The following ZNHIT6 variants were observed in gnomAD, a reference collection of about 807,000 sequenced individuals.
ZNHIT6 encodes zinc finger HIT-type containing 6, also known as box C/D snoRNA protein 1.
Under a neutral mutation model 57.2 loss-of-function variants are expected in ZNHIT6, and 45 were observed. The ratio of observed to expected loss-of-function variants is 0.79; its 90% CI spans 0.62 to 1.01. The LOEUF (loss-of-function observed/expected upper bound fraction) is 1.01, where lower values mean the gene tolerates loss of function less well. Among genes scored for constraint, ZNHIT6 ranks in the 50% least tolerant of loss-of-function variants. The pLI, the probability that ZNHIT6 is intolerant of heterozygous loss-of-function variation, is 0.00. For synonymous variants in ZNHIT6, 188 were observed against 190.0 expected (o/e 0.99, Z 0.09); for missense variants, 528 against 567.3 (o/e 0.93, Z 0.70).
intron 5 of ZNHIT6, among the ~76,000 whole-genome samples, chr1:85,682,940 C>T (rs913559413): frequency 2.6e-5 from 4 of 152,070 alleles, no homozygotes; most frequent in Admixed American, 2.0e-4. Context: ...TGGGGATGGG[C>T]GCAGTGGCTA....
Position 85,657,943 on chromosome 1 carries a change from G to C in ZNHIT6, c.1276C>G (p.Leu426Val), listed in dbSNP as rs764691555. Reference sequence around the variant, plus strand: ...ACTTTGTTCCTCAAATTGTCTAGGAGACTTTTATAAGGATCTAGTTCATAA... The same window carrying C: ...ACTTTGTTCCTCAAATTGTCTAGGACACTTTTATAAGGATCTAGTTCATAA... ...RYYELDPYKS[L>V]LDNLRNKVII... The change falls in exon 9 of 10, where the codon CTC (leucine) becomes GTC (valine). Residue 426 changes from leucine to valine, a missense_variant. Leu to Val is a conservative substitution (Grantham distance 32, BLOSUM62 1). Transcript: ENST00000370574. 1 of 1,565,064 alleles carries C rather than the reference G, an allele frequency of 6.4e-7. No homozygotes were observed. The highest frequency in any genetic ancestry group is 1.7e-5 in the Admixed American group (1 of 58,882).
chr1:85,650,481 T>C lies in ZNHIT6; in HGVS notation c.*3577A>G, dbSNP rs760277860. ...TGAACTGCCCTTCATGCTGACACTA[T>C]TTTGAGTTTTTGTCACTTGCATATA... is the stretch of plus-strand genomic sequence containing the variant. On this transcript the variant is annotated 3_prime_UTR_variant, in exon 10 of 10. Coordinates refer to ENST00000370574, the MANE Select transcript of ZNHIT6 (RefSeq NM_017953.4). 1 of 152,256 alleles carries C rather than the reference T, an allele frequency of 6.6e-6. No individual in the cohort carries two copies. The highest frequency in any genetic ancestry group is 1.5e-5 in the Non-Finnish European group (1 of 68,044). The allele number at this position is 152,256 out of a possible 1,614,324, so 9.4% of individuals were successfully genotyped here.
rs1284183861 is a variant in ZNHIT6, at chr1:85,657,918, A to G, written c.1301T>C (p.Val434Ala). 1 of 1,597,420 alleles carries G rather than the reference A, an allele frequency of 6.3e-7. No individual in the cohort carries two copies. The highest frequency in any genetic ancestry group is 1.7e-5 in the Admixed American group (1 of 59,558). ...ATGTAATGTTGGATACTCAATGATC[A>G]CTTTGTTCCTCAAATTGTCTAGGAG... ...KSLLDNLRNK[V>A]IIEYPTLHVV... The change falls in exon 9 of 10, where the codon GTG becomes GCG. Residue 434 changes from valine to alanine, a missense_variant. Coordinates refer to ENST00000370574, the MANE Select transcript of ZNHIT6 (RefSeq NM_017953.4).
chr1:85,660,332 T>C (rs1661190837), intron 8 of ZNHIT6, among the ~76,000 whole-genome samples: 1 of 152,206 alleles, frequency 6.6e-6, no homozygotes, highest in Admixed American at 6.5e-5. Context: ...ATAAGGCTTC[T>C]AATGAAAGGC....
Position 85,708,373 on chromosome 1 carries a change from A to T in ZNHIT6, c.-89T>A. The T allele has an allele frequency of 6.8e-7, 1 of 1,470,738 alleles. No individual in the cohort carries two copies. The allele number at this position is 1,470,738 out of a possible 1,614,324, so 91.1% of individuals were successfully genotyped here. A position where few individuals can be genotyped will look rare whatever the true frequency, so the allele number is the denominator to read the frequency against. ...GGAGGAATTACCGGTCGGAATACCT[A>T]CGGCGGCCCACGTGTGGAGCCAAGC... On this transcript the variant is annotated 5_prime_UTR_variant, in exon 1 of 10. Coordinates refer to ENST00000370574, the MANE Select transcript of ZNHIT6 (RefSeq NM_017953.4).
rs545770360 is a variant in ZNHIT6, at chr1:85,689,747, T to C, written c.1020-8843A>G. On this transcript the variant is annotated intron_variant, in intron 5 of 9. Transcript: ENST00000370574. ...CTGGGAGTATGGGGACAGTTGGAAA[T>C]GGCTGGGCAGTTTTGGTTGTTCCAA... Among the ~76,000 whole-genome samples, 253 of 152,246 alleles carry C rather than the reference T, an allele frequency of 1.7e-3. 1 individual carries two copies. Among genetic ancestry groups the C allele is most frequent in the Non-Finnish European group, 2.9e-3 (200 of 68,016 alleles).
intron 8 of ZNHIT6, among the ~76,000 whole-genome samples, chr1:85,663,021 C>G: frequency 6.6e-6 from 1 of 152,100 alleles, no homozygotes. Flanking sequence ...ACTTTTAAAT[C>G]CACAAGGCTT....
intron 6 of ZNHIT6, among the ~76,000 whole-genome samples, chr1:85,680,295 G>A: frequency 6.6e-6 from 1 of 152,144 alleles, no homozygotes; most frequent in East Asian, 1.9e-4. Context: ...ATTCCAATGA[G>A]TACACATATA....
chr1:85,695,550 A>G (rs1662342029), intron 5 of ZNHIT6, among the ~76,000 whole-genome samples: 2 of 152,228 alleles, frequency 1.3e-5, no homozygotes, highest in Admixed American at 1.3e-4. Context: ...TCAGAAAAAA[A>G]CAAATAATTG....
chr1:85,706,679 C>T (rs1662694733), intron 1 of ZNHIT6, among the ~76,000 whole-genome samples, 172 bp from the exon 2 acceptor site: 1 of 152,214 alleles, frequency 6.6e-6, no homozygotes, highest in South Asian at 2.1e-4. Flanking sequence ...AAAACAACTA[C>T]ATTTCCAATG....
chr1:85,708,274 G>A lies in ZNHIT6; in HGVS notation c.11C>T (p.Ala4Val), dbSNP rs769415799. The A allele has an allele frequency of 5.6e-6, 9 of 1,598,856 alleles. No homozygotes were observed. Among genetic ancestry groups the A allele is most frequent in the Admixed American group, 5.0e-5 (3 of 59,622 alleles). The change falls in exon 1 of 10, where the codon GCT becomes GTT. Residue 4 changes from alanine (A) to valine (V), a missense_variant. By Grantham distance (64) the Ala-to-Val change is moderately conservative. Coordinates refer to ENST00000370574, the MANE Select transcript of ZNHIT6 (RefSeq NM_017953.4). ...CCCAGACTTCCCTTCATTTTCAGCA[G>A]CAAACTCCATCAACTCACGATCCTT... MEF[A>V]AENEGKSGGG...
intron 8 of ZNHIT6, among the ~76,000 whole-genome samples, chr1:85,659,478 A>G (rs1029168457): frequency 4.6e-5 from 7 of 152,240 alleles, no homozygotes; most frequent in Non-Finnish European, 1.0e-4. Flanking sequence ...CACATATCTC[A>G]TGAGATCCAG....
intron 5 of ZNHIT6, among the ~76,000 whole-genome samples, chr1:85,701,435 T>C (rs1662526552): frequency 6.6e-6 from 1 of 152,252 alleles, no homozygotes; most frequent in East Asian, 1.9e-4. Flanking sequence ...GATAATTTAG[T>C]TGGCTACTTA....
intron 5 of ZNHIT6, among the ~76,000 whole-genome samples, chr1:85,691,576 T>C (rs1337983624): frequency 3.3e-5 from 5 of 152,246 alleles, no homozygotes; most frequent in Non-Finnish European, 7.3e-5. Context: ...CTGACCATTA[T>C]GGTGAGAACA....
At chr1:85,663,942 T>C (rs1188558793) in intron 8 of ZNHIT6, among the ~76,000 whole-genome samples, 4 of 129,982 alleles carry the variant, frequency 3.1e-5, no homozygotes, top group African/African-American at 1.0e-4. Flanking sequence ...AGCCACTCTG[T>C]AGGTGACCTG....
intron 8 of ZNHIT6, among the ~76,000 whole-genome samples, chr1:85,659,331 A>G (rs1056713271): frequency 2.6e-5 from 4 of 152,232 alleles, no homozygotes; most frequent in Non-Finnish European, 5.9e-5. Flanking sequence ...GCGGGTACAT[A>G]TGAGAATATG....
At position 85,653,971 on chromosome 1, in the gene ZNHIT6, C is replaced by T; in HGVS notation, c.*87G>A. On this transcript the variant is annotated 3_prime_UTR_variant, in exon 10 of 10. Coordinates refer to ENST00000370574, the MANE Select transcript of ZNHIT6 (RefSeq NM_017953.4). ...AGAAAAAATTCCAATCACCCATTGACAATACCCCAATCAGCCAACAGCCCA... is the reference window on the plus strand; with the variant it reads ...AGAAAAAATTCCAATCACCCATTGATAATACCCCAATCAGCCAACAGCCCA... 1 of 1,086,012 alleles carries T rather than the reference C, an allele frequency of 9.2e-7. No homozygotes were observed. Among genetic ancestry groups the T allele is most frequent in the Non-Finnish European group, 1.4e-6 (1 of 728,074 alleles). The allele number at this position is 1,086,012 out of a possible 1,614,324, so 67.3% of individuals were successfully genotyped here.
chr1:85,655,367 G>T (rs936347600), intron 9 of ZNHIT6, among the ~76,000 whole-genome samples: 1 of 152,106 alleles, frequency 6.6e-6, no homozygotes, highest in Non-Finnish European at 1.5e-5. Flanking sequence ...AGATTTACTG[G>T]CCCAATAAGA....
chr1:85,708,379 G>A lies in ZNHIT6; in HGVS notation c.-95C>T. The A allele has an allele frequency of 6.9e-7, 1 of 1,458,972 alleles. No homozygotes were observed. Among genetic ancestry groups the A allele is most frequent in the East Asian group, 2.3e-5 (1 of 42,956 alleles). 90.4% of individuals were successfully genotyped at this position (1,458,972 alleles called of 1,614,324 possible). A position where few individuals can be genotyped will look rare whatever the true frequency, so the allele number is the denominator to read the frequency against. On this transcript the variant is annotated 5_prime_UTR_variant, in exon 1 of 10. Transcript: ENST00000370574. Reference sequence around the variant, plus strand: ...ATTACCGGTCGGAATACCTACGGCGGCCCACGTGTGGAGCCAAGCAGCCAC... The same window carrying A: ...ATTACCGGTCGGAATACCTACGGCGACCCACGTGTGGAGCCAAGCAGCCAC...
Sources: allele counts gnomAD v4.1 joint callset (sites outside exome capture counted in the v4.1 genomes callset), GRCh38; gene constraint gnomAD v4.1.1; transcripts MANE v1.5; gene names NCBI Gene and HGNC (gene_info 2026-07-23, HGNC 2026-07-21).